Variants in SCP2 observed in about 807,000 individuals in gnomAD.
The protein encoded by SCP2 is sterol carrier protein 2.
In SCP2, 48 loss-of-function variants were observed where a neutral mutation model predicts 71.4. The ratio of observed to expected loss-of-function variants is 0.67; its 90% CI spans 0.53 to 0.86. The LOEUF (loss-of-function observed/expected upper bound fraction) is 0.86, where lower values mean the gene tolerates loss of function less well. Among genes scored for constraint, SCP2 ranks in the 40% least tolerant of loss-of-function variants. The pLI, the probability that SCP2 is intolerant of heterozygous loss-of-function variation, is 0.00. For synonymous variants in SCP2, 220 were observed against 218.1 expected (o/e 1.01, Z -0.08); for missense variants, 560 against 655.6 (o/e 0.85, Z 1.59).
intron 12 of SCP2, 73 bp from the exon 13 acceptor site, chr1:53,027,896 T>G: frequency 1.2e-6 from 1 of 838,550 alleles, no homozygotes; most frequent in Non-Finnish European, 2.0e-6. Context: ...ATTTTGAAAA[T>G]TACTATTTTA....
intron 11 of SCP2, among the ~76,000 whole-genome samples, chr1:53,009,075 T>G (rs1022128580): frequency 9.2e-5 from 14 of 152,148 alleles, no homozygotes; most frequent in African/African-American, 3.4e-4. Context: ...ACAAGGGATG[T>G]GAAGGACCCC....
intron 7 of SCP2, among the ~76,000 whole-genome samples, chr1:52,976,240 G>A (rs997743968): frequency 1.3e-5 from 2 of 152,016 alleles, no homozygotes; most frequent in African/African-American, 2.4e-5. Context: ...CAGCATGCTA[G>A]ATTAAATCAC....
intron 14 of SCP2, among the ~76,000 whole-genome samples, chr1:53,041,354 A>G (rs1365594531): frequency 6.6e-6 from 1 of 151,520 alleles, no homozygotes; most frequent in Non-Finnish European, 1.5e-5. Flanking sequence ...GTGAGCCGAG[A>G]TGGCACCATT....
intron 3 of SCP2, among the ~76,000 whole-genome samples, chr1:52,948,957 T>TG (rs1010159377): frequency 6.9e-4 from 105 of 151,780 alleles, no homozygotes; most frequent in Middle Eastern, 3.4e-3. Context: ...ATTTTTTTTT[T>TG]TTTGTTTTTG....
intron 11 of SCP2, among the ~76,000 whole-genome samples, chr1:53,003,639 T>C (rs1278721551): frequency 1.3e-5 from 2 of 151,986 alleles, no homozygotes; most frequent in Non-Finnish European, 2.9e-5. Flanking sequence ...CCCGCCTCAG[T>C]CTCCCAAGTA....
chr1:52,957,845 C>T (rs924548509), intron 5 of SCP2, among the ~76,000 whole-genome samples: 1 of 152,118 alleles, frequency 6.6e-6, no homozygotes, highest in African/African-American at 2.4e-5. Context: ...TGCCTGGATT[C>T]ATTATTTTCA....
rs115758584 is a variant in SCP2, at chr1:53,017,846, G to A, written c.1235+2803G>A. The stretch of plus-strand genomic sequence containing the variant: ...AGCATTGCAGGTGATTAACTTGTTC[G>A]TATTTTCTTTTTTCTTTTCTTTTTT... On this transcript the variant is annotated intron_variant, in intron 12 of 15. Transcript: ENST00000371514. Among the ~76,000 whole-genome samples, 952 of 152,072 alleles carry A rather than the reference G, an allele frequency of 6.3e-3. 16 individuals are homozygous for A. The highest frequency in any genetic ancestry group is 0.022 in the African/African-American group (912 of 41,490).
rs1285282936 is a variant in SCP2, at chr1:52,976,684, T to C, written c.589T>C (p.Tyr197His). Residue 197 changes from tyrosine to histidine, a missense_variant and splice_region_variant, in exon 8 of 16, where the codon TAT becomes CAT. Coordinates refer to ENST00000371514, the MANE Select transcript of SCP2 (RefSeq NM_002979.5). ...AACTAATATTTATTTTGTATTTAGG[T>C]ATTCCCAGTTCCAAGATGAATACAG... ...KNHKHSVNNP[Y>H]SQFQDEYSLD... is the part of the protein sequence containing the mutation. 6.7e-7 allele frequency: 1 copy of C among 1,496,998 alleles called. No homozygotes were observed. The highest frequency in any genetic ancestry group is 1.1e-5 in the South Asian group (1 of 88,504). The allele number at this position is 1,496,998 out of a possible 1,614,324, so 92.7% of individuals were successfully genotyped here. A position where few individuals can be genotyped will look rare whatever the true frequency, so the allele number is the denominator to read the frequency against.
chr1:52,969,804 G>A (rs528064063), intron 6 of SCP2, among the ~76,000 whole-genome samples: 152 of 146,774 alleles, frequency 1.0e-3, no homozygotes, highest in Admixed American at 3.7e-3. Context: ...CCGGGCGGCA[G>A]AGCTAGACTC....
At chr1:53,034,869 G>A (rs749726694) in intron 13 of SCP2, among the ~76,000 whole-genome samples, 6 of 152,144 alleles carry the variant, frequency 3.9e-5, no homozygotes, top group Non-Finnish European at 7.4e-5. Context: ...ACTTTGGGAG[G>A]CCGAGGCAGG....
At chr1:53,002,119 G>A (rs370087705) in intron 11 of SCP2, among the ~76,000 whole-genome samples, 83 of 151,756 alleles carry the variant, frequency 5.5e-4, no homozygotes, top group African/African-American at 1.9e-3. Flanking sequence ...GGGAGGCGGC[G>A]GAGCTTGCAG....
chr1:53,034,926 A>C (rs1662814742), intron 13 of SCP2, among the ~76,000 whole-genome samples: 1 of 152,172 alleles, frequency 6.6e-6, no homozygotes, highest in South Asian at 2.1e-4. Flanking sequence ...TAACACGGTG[A>C]AACCCCGTCT....
intron 11 of SCP2, among the ~76,000 whole-genome samples, chr1:53,002,589 G>C (rs912785345): frequency 6.6e-6 from 1 of 152,200 alleles, no homozygotes; most frequent in Non-Finnish European, 1.5e-5. Context: ...TTGCCCATCT[G>C]TTGGGCCTTA....
chr1:52,980,603 G>C (rs1572132127), intron 10 of SCP2, 60 bp downstream of exon 10: 2 of 1,465,454 alleles, frequency 1.4e-6, no homozygotes, highest in East Asian at 4.5e-5. Flanking sequence ...ACTTCACTTT[G>C]ACCGTTAGAT....
chr1:53,033,299 A>G (rs927694335), intron 13 of SCP2, among the ~76,000 whole-genome samples: 3 of 152,220 alleles, frequency 2.0e-5, no homozygotes, highest in African/African-American at 7.2e-5. Context: ...GAATGTACCT[A>G]TATGTAAGAA....
intron 12 of SCP2, among the ~76,000 whole-genome samples, chr1:53,021,376 G>GATCT (rs1661713028): frequency 7.0e-6 from 1 of 143,516 alleles, no homozygotes; most frequent in Non-Finnish European, 1.5e-5. Flanking sequence ...GAGTGCAGTT[G>GATCT]CGCAATCTTG....
At chr1:52,990,830 G>T (rs2150191913) in intron 11 of SCP2, among the ~76,000 whole-genome samples, 1 of 152,074 alleles carries the variant, frequency 6.6e-6, no homozygotes, top group Non-Finnish European at 1.5e-5. Flanking sequence ...AGCCAAGGAA[G>T]GAGAGTGTTT....
At chr1:52,999,856 G>A (rs1246854059) in intron 11 of SCP2, among the ~76,000 whole-genome samples, 1 of 114,148 alleles carries the variant, frequency 8.8e-6, no homozygotes, top group African/African-American at 3.5e-5. Context: ...TTACTCTGTT[G>A]CCCAGGCTGG....
At chr1:52,995,879 TG>T in intron 11 of SCP2, 1 of 1,462,154 alleles carries the variant, frequency 6.8e-7, no homozygotes, top group Non-Finnish European at 9.3e-7. Context: ...CTTCCTCCAC[TG>T]GTACACAGCT....
Sources: gnomAD v4.1 joint callset for allele counts (sites outside exome capture counted in the v4.1 genomes callset) on GRCh38, gnomAD v4.1.1 for gene constraint, MANE v1.5 for transcripts, NCBI Gene and HGNC (gene_info 2026-07-23, HGNC 2026-07-21) for gene names.